The following CDH18 variants were observed in gnomAD, a reference collection of about 807,000 sequenced individuals.
CDH18 encodes the protein cadherin-18.
CDH18 carries 31 observed loss-of-function variants against 67.9 expected under a neutral mutation model. The observed-to-expected ratio is 0.46, with a 90% CI of 0.34 to 0.62. CDH18 has a LOEUF of 0.62. Among genes scored for constraint, CDH18 ranks in the 20% least tolerant of loss-of-function variants. The pLI is 0.01. For synonymous variants in CDH18, 362 were observed against 347.2 expected, an observed-to-expected ratio of 1.04 and a Z score of -0.48; for missense variants, 890 against 975.5, an observed-to-expected ratio of 0.91 and a Z score of 1.17.
At chr5:20,550,551 C>T (rs959728023) in intron 1 of CDH18, among the ~76,000 whole-genome samples, 1 of 152,132 alleles carries the variant, frequency 6.6e-6, no homozygotes, top group African/African-American at 2.4e-5. Flanking sequence ...ATCAAAGAAA[C>T]ATCTAGGGAG....
chr5:19,931,208 G>C (rs944953496), intron 2 of CDH18, among the ~76,000 whole-genome samples: 1 of 151,726 alleles, frequency 6.6e-6, no homozygotes, highest in Non-Finnish European at 1.5e-5. Flanking sequence ...ATTCCTTTTA[G>C]TTCAAATACA....
At chr5:20,185,463 T>C (rs1296849379) in intron 2 of CDH18, among the ~76,000 whole-genome samples, 1 of 152,092 alleles carries the variant, frequency 6.6e-6, no homozygotes, top group African/African-American at 2.4e-5. Context: ...GTCCTTAGAC[T>C]GTATGGTGAC....
intron 2 of CDH18, among the ~76,000 whole-genome samples, chr5:20,105,446 G>A (rs531911098): frequency 6.6e-6 from 1 of 152,188 alleles, no homozygotes. Context: ...CAATTTGTAA[G>A]TGTAAAATTT....
intron 2 of CDH18, among the ~76,000 whole-genome samples, chr5:20,095,749 G>A (rs1038992275): frequency 1.5e-4 from 22 of 151,218 alleles, no homozygotes; most frequent in Non-Finnish European, 2.8e-4. Context: ...TGATACCGAA[G>A]TTATAAGCTA....
intron 2 of CDH18, among the ~76,000 whole-genome samples, chr5:20,029,980 G>A (rs952250728): frequency 4.6e-5 from 7 of 152,144 alleles, no homozygotes; most frequent in Non-Finnish European, 8.8e-5. Flanking sequence ...TGTAGTTGTA[G>A]GATTGAGGTA....
intron 1 of CDH18, among the ~76,000 whole-genome samples, chr5:20,440,200 C>T (rs557974602): frequency 6.6e-6 from 1 of 151,660 alleles, no homozygotes; most frequent in Non-Finnish European, 1.5e-5. Flanking sequence ...GCATTAGATC[C>T]TAGGAGAAGA....
chr5:20,305,518 G>A (rs1736345584), intron 1 of CDH18: 11 of 949,108 alleles, frequency 1.2e-5, no homozygotes, highest in Admixed American at 1.0e-4. Flanking sequence ...CCGGGGCGCA[G>A]CGGCGCAGGG....
At chr5:19,497,201 T>A (rs563022196) in intron 11 of CDH18, among the ~76,000 whole-genome samples, 1 of 152,198 alleles carries the variant, frequency 6.6e-6, no homozygotes, top group East Asian at 1.9e-4. Context: ...TGACAATGAT[T>A]GTAAAATCAT....
At chr5:19,582,795 C>G (rs1743486246) in intron 7 of CDH18, among the ~76,000 whole-genome samples, 1 of 151,766 alleles carries the variant, frequency 6.6e-6, no homozygotes, top group Non-Finnish European at 1.5e-5. Context: ...GGTTCAAAGT[C>G]TAAAAATGTT....
intron 1 of CDH18, among the ~76,000 whole-genome samples, chr5:20,565,625 G>C (rs1368123791): frequency 6.6e-6 from 1 of 151,914 alleles, no homozygotes; most frequent in Non-Finnish European, 1.5e-5. Context: ...TAGTGCTTTT[G>C]TGAATGGAAT....
intron 2 of CDH18, among the ~76,000 whole-genome samples, chr5:19,872,982 G>C (rs916601036): frequency 2.3e-4 from 35 of 152,066 alleles, no homozygotes; most frequent in Admixed American, 1.1e-3. Flanking sequence ...CTTGTCAAAG[G>C]ACAGAGGTTC....
chr5:20,158,999 T>C (rs946528509), intron 2 of CDH18: 1 of 157,660 alleles, frequency 6.3e-6, no homozygotes, highest in Non-Finnish European at 1.5e-5. Flanking sequence ...AAAGATTTGA[T>C]AACAGAAAGG....
At chr5:20,399,558 G>C (rs900804368) in intron 1 of CDH18, among the ~76,000 whole-genome samples, 4 of 152,166 alleles carry the variant, frequency 2.6e-5, no homozygotes, top group Admixed American at 1.3e-4. Context: ...CACAGTCACT[G>C]AAAAGCCACT....
intron 2 of CDH18, among the ~76,000 whole-genome samples, chr5:19,948,601 G>A (rs1272147314): frequency 2.6e-5 from 4 of 152,210 alleles, no homozygotes; most frequent in East Asian, 1.9e-4. Flanking sequence ...TTGTAGTTAC[G>A]TATAGCTACA....
At chr5:20,147,552 T>C (rs549516658) in intron 2 of CDH18, among the ~76,000 whole-genome samples, 13 of 152,178 alleles carry the variant, frequency 8.5e-5, no homozygotes, top group Non-Finnish European at 1.5e-4. Context: ...TTTGGAACAG[T>C]CCGTACACAA....
intron 7 of CDH18, among the ~76,000 whole-genome samples, chr5:19,581,285 TTGC>T (rs1307435413): frequency 2.0e-5 from 3 of 151,994 alleles, no homozygotes; most frequent in Admixed American, 1.3e-4. Context: ...TTACATATCA[TTGC>T]TCTTTCTAAC....
At chr5:19,995,743 G>A (rs1735956565) in intron 2 of CDH18, among the ~76,000 whole-genome samples, 2 of 151,790 alleles carry the variant, frequency 1.3e-5, no homozygotes, top group South Asian at 2.1e-4. Context: ...AATCACATTT[G>A]CTTCCTGTGC....
At position 20,241,828 on chromosome 5, in the gene CDH18, G is replaced by C. The variant is rs552180015; in HGVS notation, c.-518+13616C>G. Among the ~76,000 whole-genome samples, 1,021 of 145,734 alleles carry C rather than the reference G, an allele frequency of 7.0e-3. 9 individuals carry two copies. Among genetic ancestry groups the C allele is most frequent in the Middle Eastern group, 0.025 (7 of 280 alleles). ...GATTGCGCCACTGCACTCCAGCCTGGGCGACAGAGGGAGACCCTGTCGCAA... is the reference window on the plus strand; with the variant it reads ...GATTGCGCCACTGCACTCCAGCCTGCGCGACAGAGGGAGACCCTGTCGCAA... On this transcript the variant is annotated intron_variant, in intron 2 of 14. Coordinates refer to the CDH18 transcript ENST00000507958.
chr5:20,219,995 G>T (rs1580509614), intron 2 of CDH18, among the ~76,000 whole-genome samples: 2 of 151,828 alleles, frequency 1.3e-5, no homozygotes, highest in Admixed American at 6.6e-5. Flanking sequence ...AAAAGGGAAA[G>T]ATATTTTATA....
Sources: gnomAD v4.1 joint callset for allele counts (sites outside exome capture counted in the v4.1 genomes callset) on GRCh38, gnomAD v4.1.1 for gene constraint, MANE v1.5 for transcripts, NCBI Gene and HGNC (gene_info 2026-07-23, HGNC 2026-07-21) for gene names.